Variants in LRFN3 observed in about 807,000 individuals in gnomAD.
LRFN3 encodes the protein leucine rich repeat and fibronectin type III domain containing 3.
A neutral mutation model predicts 23.8 loss-of-function variants in LRFN3; 8 were observed. That is an observed-to-expected ratio of 0.34 (90% confidence interval 0.20 to 0.61). The LOEUF is 0.61. Among genes scored for constraint, LRFN3 ranks in the 20% least tolerant of loss-of-function variants. LRFN3 has a pLI of 0.80. For missense variants in LRFN3, 736 were observed against 935.3 expected (o/e 0.79, Z 2.78); for synonymous variants, 451 against 450.6 (o/e 1.00, Z -0.01).
At position 35,939,141 on chromosome 19, in the gene LRFN3, TG is replaced by T. The variant is rs2145299326; in HGVS notation, c.-16-268del. Among the ~76,000 whole-genome samples the T allele has an allele frequency of 6.6e-6, 1 of 152,290 alleles. No individual in the cohort carries two copies. The highest frequency in any genetic ancestry group is 2.4e-5 in the African/African-American group (1 of 41,566). ...TGCCTAGCTAATTTTTAAAAATTTT[TG>T]TATAATAGATACACGGTCTCACTTT... On this transcript the variant is annotated intron_variant, in intron 1 of 2. Coordinates refer to ENST00000246529, the MANE Select transcript of LRFN3 (RefSeq NM_024509.2). This position sits in a 1 kb window ranked among gnomAD's most constrained non-coding sequence, Gnocchi z 6.4.
At position 35,936,453 on chromosome 19, in the gene LRFN3, C is replaced by G. The variant is rs1216285336; in HGVS notation, c.-1119C>G. ...CTGGACCCGGCCCGCCCAGCCCGGCCCCCGCCCGGCCCCCGCCTCGGCCCC... is the reference window on the plus strand; with the variant it reads ...CTGGACCCGGCCCGCCCAGCCCGGCGCCCGCCCGGCCCCCGCCTCGGCCCC... On this transcript the variant is annotated 5_prime_UTR_variant, in exon 1 of 3. Transcript: ENST00000246529. 6.6e-6 allele frequency: 1 copy of G among 150,634 alleles called. No individual in the cohort carries two copies. The highest frequency in any genetic ancestry group is 2.4e-5 in the African/African-American group (1 of 41,206). 9.3% of individuals were successfully genotyped at this position (150,634 alleles called of 1,614,324 possible). A position where few individuals can be genotyped will look rare whatever the true frequency, so the allele number is the denominator to read the frequency against.
intron 2 of LRFN3, among the ~76,000 whole-genome samples, chr19:35,943,423 A>C (rs952033838): frequency 9.2e-5 from 14 of 152,196 alleles, no homozygotes; most frequent in African/African-American, 3.1e-4. Context: ...AAAACAGGCT[A>C]TCAATACAGT....
Position 35,940,799 on chromosome 19 carries a change from G to T in LRFN3, c.1374G>T (p.Gln458His). 6.2e-7 allele frequency: 1 copy of T among 1,600,626 alleles called. No homozygotes were observed. The highest frequency in any genetic ancestry group is 8.5e-7 in the Non-Finnish European group (1 of 1,170,490). The change falls in exon 2 of 3, where the codon CAG becomes CAT. Residue 458 changes from glutamine (Q) to histidine (H), a missense_variant. Physicochemically the swap from Gln to His is conservative, Grantham distance 24. Around this residue, in one of 2 missense-constraint regions of LRFN3, gnomAD observed 290 missense variants for 287.4 expected, o/e 1.01. Transcript: ENST00000246529. ...CTATCCCGGGCATCCGCATGTACCAGATCCAGTACAACAGCTCGGCTGATG... is the reference window on the plus strand; with the variant it reads ...CTATCCCGGGCATCCGCATGTACCATATCCAGTACAACAGCTCGGCTGATG... The part of the protein sequence containing the change: ...QRPIPGIRMY[Q>H]IQYNSSADDI...
rs1976172011 is a variant in LRFN3, at chr19:35,945,743, A to C, written c.*724A>C. On this transcript the variant is annotated 3_prime_UTR_variant, in exon 3 of 3. Coordinates refer to ENST00000246529, the MANE Select transcript of LRFN3 (RefSeq NM_024509.2). ...TAGAGGTGAGGCAGGAGGGTTGAGC[A>C]GGGTCTAGGACCTCCAGGCTGAGGA... 1 of 152,524 alleles carries C rather than the reference A, an allele frequency of 6.6e-6. No homozygotes were observed. The highest frequency in any genetic ancestry group is 2.4e-5 in the African/African-American group (1 of 41,412). 9.4% of individuals were successfully genotyped at this position (152,524 alleles called of 1,614,324 possible). A position where few individuals can be genotyped will look rare whatever the true frequency, so the allele number is the denominator to read the frequency against.
At position 35,938,411 on chromosome 19, in the gene LRFN3, A is replaced by G. The variant is rs371375532; in HGVS notation, c.-17+856A>G. On this transcript the variant is annotated intron_variant, in intron 1 of 2. Transcript: ENST00000246529. ...TTTCTCACTCACTGATGCCCTCTTG[A>G]TCATCTCTGCCCACCTCTTTTCTCT... Among the ~76,000 whole-genome samples, 650 of 135,670 alleles carry G rather than the reference A, an allele frequency of 4.8e-3. 5 individuals are homozygous for G. The highest frequency in any genetic ancestry group is 9.1e-3 in the African/African-American group (311 of 34,318). The allele number at this position is 135,670 out of a possible 152,430, so 89.0% of individuals were successfully genotyped here.
chr19:35,942,264 G>A (rs1976130708), intron 2 of LRFN3, among the ~76,000 whole-genome samples: 1 of 152,204 alleles, frequency 6.6e-6, no homozygotes, highest in African/African-American at 2.4e-5. Context: ...TGCCACACTT[G>A]TGGGGGATTC....
rs575610404 is a variant in LRFN3, at chr19:35,945,288, C to T, written c.*269C>T. 2.5e-5 allele frequency: 9 copies of T among 363,474 alleles called. No homozygotes were observed. The highest frequency in any genetic ancestry group is 3.9e-5 in the Non-Finnish European group (8 of 204,130). The allele number at this position is 363,474 out of a possible 1,614,324, so 22.5% of individuals were successfully genotyped here. On this transcript the variant is annotated 3_prime_UTR_variant, in exon 3 of 3. Transcript: ENST00000246529. ...CTCCTTTGGGGAGACACCCCCTCCC[C>T]GCCCAGTTCAGTCTGAGGACCCCGG...
Position 35,939,351 on chromosome 19 carries a change from C to T in LRFN3, c.-16-59C>T, listed in dbSNP as rs1444313950. 3 of 1,495,436 alleles carry T rather than the reference C, an allele frequency of 2.0e-6. No homozygotes were observed. The African/African-American group carries it at 4.2e-5, about 21-fold the overall frequency. 92.6% of individuals were successfully genotyped at this position (1,495,436 alleles called of 1,614,324 possible). A position where few individuals can be genotyped will look rare whatever the true frequency, so the allele number is the denominator to read the frequency against. Reference sequence around the variant, plus strand: ...TGTGACCTTCTCTCCTGGTCTCAGACCACCCCCAGCCCCTGCAGAACCCCT... The same window carrying T: ...TGTGACCTTCTCTCCTGGTCTCAGATCACCCCCAGCCCCTGCAGAACCCCT... On this transcript the variant is annotated intron_variant, in intron 1 of 2. Coordinates refer to ENST00000246529, the MANE Select transcript of LRFN3 (RefSeq NM_024509.2). The surrounding 1 kb of genome is among the most constrained non-coding windows in gnomAD (Gnocchi z 6.4).
In LRFN3 at chr19:35,940,433, G is replaced by A; in HGVS notation, c.1008G>A (p.Leu336=). The change falls in exon 2 of 3, where the codon CTG becomes CTA. Residue 336 remains leucine, a synonymous_variant. Transcript: ENST00000246529. ...RVRWVSPQGR[L]LGNSSRARAF... ...GTTGGGTGTCACCCCAGGGCCGGCT[G>A]CTAGGCAACTCAAGCCGTGCCCGCG... is the stretch of plus-strand genomic sequence containing the variant. The A allele has an allele frequency of 6.3e-7, 1 of 1,599,468 alleles. No individual in the cohort carries two copies. Among genetic ancestry groups the A allele is most frequent in the East Asian group, 2.2e-5 (1 of 44,638 alleles).
chr19:35,944,926 G>A lies in LRFN3; in HGVS notation c.1794G>A (p.Pro598=), dbSNP rs1475336930. The change falls in exon 3 of 3, where the codon CCG becomes CCA. Residue 598 remains proline (P), a synonymous_variant. Transcript: ENST00000246529. The surrounding 1 kb of genome is among the most constrained non-coding windows in gnomAD (Gnocchi z 4.5). ...GALGPTPTPA[P]PAPEPAALRA... ...TGGGCCCCACGCCCACGCCCGCCCC[G>A]CCCGCCCCGGAGCCCGCGGCGCTCA... The A allele has an allele frequency of 2.0e-6, 3 of 1,535,044 alleles. No homozygotes were observed. The highest frequency in any genetic ancestry group is 4.8e-5 in the East Asian group (2 of 41,610).
Position 35,940,498 on chromosome 19 carries a change from C to T in LRFN3, c.1073C>T (p.Pro358Leu), listed in dbSNP as rs756974447. The T allele has an allele frequency of 8.7e-6, 14 of 1,611,422 alleles. No homozygotes were observed. The African/African-American group carries it at 1.5e-4, about 17-fold the overall frequency. Residue 358 changes from proline (P) to leucine (L), a missense_variant, in exon 2 of 3, where the codon CCG becomes CTG. By Grantham distance (98) the Pro-to-Leu change is moderately conservative. Coordinates refer to ENST00000246529, the MANE Select transcript of LRFN3 (RefSeq NM_024509.2). ...ACGCTGGAGCTGCTGGTCACCGAGCCGGGTGATGGTGGCATCTTCACCTGC... is the reference window on the plus strand; with the variant it reads ...ACGCTGGAGCTGCTGGTCACCGAGCTGGGTGATGGTGGCATCTTCACCTGC... ...NGTLELLVTE[P>L]GDGGIFTCIA...
rs2293756 is a variant in LRFN3 at position 35,944,662 on chromosome 19, G to A, written c.1530G>A (p.Thr510=). 26,288 of 1,596,368 alleles carry A rather than the reference G, an allele frequency of 0.016. 1,365 individuals are homozygous for A. The highest frequency in any genetic ancestry group is 0.15 in the African/African-American group (10,797 of 74,296). The change falls in exon 3 of 3, where the codon ACG becomes ACA. Residue 510 remains threonine (T), a synonymous_variant. Transcript: ENST00000246529. This position sits in a 1 kb window ranked among gnomAD's most constrained non-coding sequence, Gnocchi z 4.5. ...YEDSATGLTA[T]RPVGCARFST... The stretch of plus-strand genomic sequence containing the variant: ...ACAGCGCCACGGGGCTCACGGCCAC[G>A]CGGCCTGTGGGCTGCGCCCGCTTCT...
chr19:35,945,012 G>A lies in LRFN3; in HGVS notation c.1880G>A (p.Gly627Glu). The A allele has an allele frequency of 7.3e-7, 1 of 1,378,642 alleles. No individual in the cohort carries two copies. The allele number at this position is 1,378,642 out of a possible 1,614,324, so 85.4% of individuals were successfully genotyped here. A position where few individuals can be genotyped will look rare whatever the true frequency, so the allele number is the denominator to read the frequency against. The change falls in exon 3 of 3, where the codon GGA becomes GAA. Residue 627 changes from glycine (G) to glutamate (E), a missense_variant. Physicochemically the swap from Gly to Glu is moderately conservative, Grantham distance 98. Coordinates refer to ENST00000246529, the MANE Select transcript of LRFN3 (RefSeq NM_024509.2). ...TGGGGGCCCGGCCACGAACCTGTGG[G>A]ACCCTAGCCAGGCGCCCCCCCCTCT... ...EPWGPGHEPV[G>E]P
chr19:35,937,970 C>T (rs190051484), intron 1 of LRFN3, among the ~76,000 whole-genome samples: 37 of 152,296 alleles, frequency 2.4e-4, no homozygotes, highest in African/African-American at 7.2e-4. Flanking sequence ...CTCCAGTCGC[C>T]TCTGCCTGCT....
At position 35,944,897 on chromosome 19, in the gene LRFN3, GC is replaced by G; in HGVS notation, c.1768del (p.Leu590TrpfsTer77). On this transcript the variant is annotated frameshift_variant, in exon 3 of 3. Coordinates refer to ENST00000246529, the MANE Select transcript of LRFN3 (RefSeq NM_024509.2). LOFTEE classifies it high-confidence loss of function. The surrounding 1 kb of genome is among the most constrained non-coding windows in gnomAD (Gnocchi z 4.5). ...VSSVCSQTNG[A>X]LGPTPTPAPP... ...CAGCGTTTGCTCCCAGACCAACGGC[GC>G]CCTGGGCCCCACGCCCACGCCCGCC... 6.3e-7 allele frequency: 1 copy of G among 1,590,230 alleles called. No individual in the cohort carries two copies. Among genetic ancestry groups the G allele is most frequent in the Non-Finnish European group, 8.5e-7 (1 of 1,176,104 alleles).
At position 35,944,703 on chromosome 19, in the gene LRFN3, T is replaced by C; in HGVS notation, c.1571T>C (p.Leu524Pro). Residue 524 changes from leucine to proline, a missense_variant, in exon 3 of 3, where the codon CTG becomes CCG. Physicochemically the swap from Leu to Pro is moderately conservative, Grantham distance 98 (BLOSUM62 -3). Coordinates refer to ENST00000246529, the MANE Select transcript of LRFN3 (RefSeq NM_024509.2). The surrounding 1 kb of genome is among the most constrained non-coding windows in gnomAD (Gnocchi z 4.5). The stretch of plus-strand genomic sequence containing the variant: ...GCCCGCTTCTCCACCGAACCTGCGC[T>C]GCGGCCATGCGGGGCGCCGCACGCT... ...GCARFSTEPA[L>P]RPCGAPHAPF... 6.2e-7 allele frequency: 1 copy of C among 1,604,058 alleles called. No homozygotes were observed. Among genetic ancestry groups the C allele is most frequent in the Non-Finnish European group, 8.5e-7 (1 of 1,176,426 alleles).
chr19:35,939,755 T>G lies in LRFN3; in HGVS notation c.330T>G (p.Arg110=). 6.2e-7 allele frequency: 1 copy of G among 1,604,694 alleles called. No individual in the cohort carries two copies. The highest frequency in any genetic ancestry group is 1.1e-5 in the South Asian group (1 of 91,002). Residue 110 remains arginine, a synonymous_variant, in exon 2 of 3, where the codon CGT becomes CGG. Coordinates refer to ENST00000246529, the MANE Select transcript of LRFN3 (RefSeq NM_024509.2). The surrounding 1 kb of genome is among the most constrained non-coding windows in gnomAD (Gnocchi z 6.4). ...AGAFADLRAL[R]ALHLDGNRLT... Reference sequence around the variant, plus strand: ...CCTTCGCCGACCTGCGGGCCCTGCGTGCCCTGCACCTGGATGGCAACCGGC... The same window carrying G: ...CCTTCGCCGACCTGCGGGCCCTGCGGGCCCTGCACCTGGATGGCAACCGGC...
rs896152633 is a variant in LRFN3, at chr19:35,946,297, T to G, written c.*1278T>G. On this transcript the variant is annotated 3_prime_UTR_variant, in exon 3 of 3. Transcript: ENST00000246529. Reference sequence around the variant, plus strand: ...CTGCTGGGGTTAAGACGGCTTCTTGTGGGGGATGATTCCAAGTCCCCACTA... The same window carrying G: ...CTGCTGGGGTTAAGACGGCTTCTTGGGGGGGATGATTCCAAGTCCCCACTA... Among the ~76,000 whole-genome samples, 1 of 151,304 alleles carries G rather than the reference T, an allele frequency of 6.6e-6. No individual in the cohort carries two copies. Among genetic ancestry groups the G allele is most frequent in the African/African-American group, 2.4e-5 (1 of 41,162 alleles).
intron 2 of LRFN3, among the ~76,000 whole-genome samples, chr19:35,943,960 G>A (rs1460608622): frequency 1.3e-5 from 2 of 152,206 alleles, no homozygotes; most frequent in African/African-American, 4.8e-5. Flanking sequence ...CAAGGCAGGA[G>A]GCTGGACTGC....
Sources: gnomAD v4.1 joint callset for allele counts (sites outside exome capture counted in the v4.1 genomes callset) on GRCh38, gnomAD v4.1.1 for gene constraint, gnomAD v4.1.1 regional missense constraint, Gnocchi (gnomAD v3.1) non-coding constraint, MANE v1.5 for transcripts, NCBI Gene and HGNC (gene_info 2026-07-23, HGNC 2026-07-21) for gene names.